Variants in CASTOR2 observed in about 807,000 individuals in gnomAD.
CASTOR2 encodes GATS protein like 2.
In CASTOR2, 8 loss-of-function variants were observed where a neutral mutation model predicts 31.2. The observed-to-expected ratio is 0.26, with a 90% CI of 0.15 to 0.46. The LOEUF (loss-of-function observed/expected upper bound fraction) is 0.46. Among genes scored for constraint, CASTOR2 ranks in the 20% least tolerant of loss-of-function variants. The pLI is 0.99. For synonymous variants in CASTOR2, 162 were observed against 158.7 expected, an observed-to-expected ratio of 1.02 and a Z score of -0.16; for missense variants, 216 against 382.1, an observed-to-expected ratio of 0.57 and a Z score of 3.62.
At position 75,025,154 on chromosome 7, in the gene CASTOR2, T is replaced by A. The variant is rs1805092709; in HGVS notation, c.*455T>A. ...GTGCCCTGGAGGGTTTGGGGGTGAG[T>A]ACTGTGGTCACTGGTCTCTGCTTCC... is the stretch of plus-strand genomic sequence containing the variant. On this transcript the variant is annotated 3_prime_UTR_variant, in exon 9 of 9. Transcript: ENST00000616305. Among the ~76,000 whole-genome samples the A allele has an allele frequency of 6.6e-6, 1 of 151,874 alleles. No homozygotes were observed. The highest frequency in any genetic ancestry group is 2.4e-5 in the African/African-American group (1 of 41,326).
chr7:75,019,900 C>T (rs1057370542), intron 5 of CASTOR2, 139 bp from the exon 6 acceptor site: 11 of 714,100 alleles, frequency 1.5e-5, no homozygotes, highest in South Asian at 3.8e-5. Flanking sequence ...CGTGGCATAG[C>T]GAGCAGGATG....
chr7:74,991,458 C>T (rs1156751641), intron 1 of CASTOR2, among the ~76,000 whole-genome samples: 2 of 152,062 alleles, frequency 1.3e-5, no homozygotes, highest in Non-Finnish European at 2.9e-5. Context: ...CAGGAGCAGC[C>T]CCTGGCACCC....
intron 1 of CASTOR2, among the ~76,000 whole-genome samples, chr7:74,984,634 G>A (rs1210723777): frequency 2.0e-4 from 31 of 152,290 alleles, no homozygotes; most frequent in African/African-American, 6.0e-4. Context: ...TGCTGTTGAT[G>A]AAGATGACAG....
chr7:75,010,770 T>A lies in CASTOR2; in HGVS notation c.184+2706T>A, dbSNP rs1563061742. ...GTAAGGGCTTCCCTTCCAGGGTGCGTTTCCTGGTCAGCAAACCAGGCTGCT... is the reference window on the plus strand; with the variant it reads ...GTAAGGGCTTCCCTTCCAGGGTGCGATTCCTGGTCAGCAAACCAGGCTGCT... On this transcript the variant is annotated intron_variant, in intron 2 of 8. Transcript: ENST00000616305. Among the ~76,000 whole-genome samples, 3 of 152,242 alleles carry A rather than the reference T, an allele frequency of 2.0e-5. No individual in the cohort carries two copies. The East Asian group carries it at 5.8e-4, about 29-fold the overall frequency.
intron 1 of CASTOR2, among the ~76,000 whole-genome samples, chr7:74,996,530 A>C (rs1426159618): frequency 6.6e-6 from 1 of 150,628 alleles, no homozygotes; most frequent in Non-Finnish European, 1.5e-5. Flanking sequence ...AACTGTCTGC[A>C]TGCTTGGAAA....
chr7:74,975,633 G>A (rs1272755325), intron 1 of CASTOR2, among the ~76,000 whole-genome samples: 2 of 111,118 alleles, frequency 1.8e-5, no homozygotes, highest in East Asian at 2.8e-4. Flanking sequence ...GGAGAATGGC[G>A]TGAAGCCGAG....
chr7:75,008,711 A>T (rs1804658694), intron 2 of CASTOR2, among the ~76,000 whole-genome samples: 2 of 152,152 alleles, frequency 1.3e-5, no homozygotes, highest in Non-Finnish European at 2.9e-5. Flanking sequence ...AATAAAAAAA[A>T]TAAAGAAAAG....
chr7:75,012,236 A>G (rs1193830956), intron 2 of CASTOR2, among the ~76,000 whole-genome samples: 1 of 152,172 alleles, frequency 6.6e-6, no homozygotes, highest in African/African-American at 2.4e-5. Flanking sequence ...GGGCTGCAGT[A>G]TGAGGCTAGG....
chr7:74,998,965 G>A (rs1372944293), intron 1 of CASTOR2, among the ~76,000 whole-genome samples: 49 of 151,694 alleles, frequency 3.2e-4, no homozygotes, highest in African/African-American at 1.2e-3. Flanking sequence ...TCTCCTGGTC[G>A]CCCGTGACAC....
At chr7:75,000,530 C>T (rs1174076872) in intron 1 of CASTOR2, among the ~76,000 whole-genome samples, 6 of 152,118 alleles carry the variant, frequency 3.9e-5, no homozygotes, top group African/African-American at 1.2e-4. Context: ...TGTAAACAGG[C>T]GCCCATAACA....
chr7:74,981,471 G>A lies in CASTOR2; in HGVS notation c.113+16373G>A, dbSNP rs1358638898. Among the ~76,000 whole-genome samples, 143 of 144,248 alleles carry A rather than the reference G, an allele frequency of 9.9e-4. 5 individuals are homozygous for A. Among genetic ancestry groups the A allele is most frequent in the Admixed American group, 1.5e-3 (21 of 14,286 alleles). The allele number at this position is 144,248 out of a possible 152,430, so 94.6% of individuals were successfully genotyped here. The stretch of plus-strand genomic sequence containing the variant: ...GCTGGGATTACAGGCGTGAGCCACC[G>A]TGCCCAGGCTGTCTGCTTCTATTCT... On this transcript the variant is annotated intron_variant, in intron 1 of 8. Transcript: ENST00000616305.
In CASTOR2 at chr7:74,998,761, C is replaced by T. The variant is rs1192370525; in HGVS notation, c.114-9233C>T. Among the ~76,000 whole-genome samples, 46 of 151,954 alleles carry T rather than the reference C, an allele frequency of 3.0e-4. 1 individual carries two copies. In the South Asian group the frequency reaches 9.5e-3, roughly 32 times the overall value. Reference sequence around the variant, plus strand: ...ATCCAAAATCAGTGATTATTTTGCACCAAGACCTGACAAGCAGAAGGTATA... The same window carrying T: ...ATCCAAAATCAGTGATTATTTTGCATCAAGACCTGACAAGCAGAAGGTATA... On this transcript the variant is annotated intron_variant, in intron 1 of 8. Transcript: ENST00000616305.
At chr7:75,021,998 C>G (rs1805016666) in intron 7 of CASTOR2, 42 bp downstream of exon 7, 2 of 1,547,886 alleles carry the variant, frequency 1.3e-6, no homozygotes, top group Non-Finnish European at 1.7e-6. Context: ...AGGGAGCTGG[C>G]ATTGCTGAGC....
At chr7:74,972,445 T>C (rs150386197) in intron 1 of CASTOR2, among the ~76,000 whole-genome samples, 3,082 of 151,298 alleles carry the variant, frequency 0.02, 152 homozygotes, top group African/African-American at 0.07. Flanking sequence ...TTTTTGCCCA[T>C]GAAATGCTGT....
intron 1 of CASTOR2, among the ~76,000 whole-genome samples, chr7:74,993,640 AG>A: frequency 6.6e-6 from 1 of 151,396 alleles, no homozygotes; most frequent in Non-Finnish European, 1.5e-5. Flanking sequence ...TAGTAGAGAC[AG>A]GGTTTCACCA....
rs1804643644 is a variant in CASTOR2, at chr7:75,008,037, A to G, written c.157A>G (p.Ile53Val). The G allele has an allele frequency of 6.8e-6, 11 of 1,613,728 alleles. No homozygotes were observed. The highest frequency in any genetic ancestry group is 1.1e-5 in the South Asian group (1 of 91,080). Residue 53 changes from isoleucine to valine, a missense_variant, in exon 2 of 9, where the codon ATC becomes GTC. Around this residue, in one of 5 missense-constraint regions of CASTOR2, gnomAD observed 114 missense variants for 194.2 expected, o/e 0.59. Transcript: ENST00000616305. ...SLTETPEDYT[I>V]IVDEEGFLEL... The stretch of plus-strand genomic sequence containing the variant: ...GACTGAGACGCCAGAGGATTACACT[A>G]TCATTGTCGATGAGGAAGGATTCCT...
chr7:74,983,689 C>T (rs1803997857), intron 1 of CASTOR2, among the ~76,000 whole-genome samples: 1 of 151,288 alleles, frequency 6.6e-6, no homozygotes, highest in Non-Finnish European at 1.5e-5. Flanking sequence ...ATTCCCATGG[C>T]ACCATGGTGT....
intron 2 of CASTOR2, among the ~76,000 whole-genome samples, chr7:75,010,357 T>C (rs1804709967): frequency 6.6e-6 from 1 of 151,886 alleles, no homozygotes; most frequent in Non-Finnish European, 1.5e-5. Flanking sequence ...TTGGATCTTA[T>C]TCTTCAGGCA....
rs1374557715 is a variant in CASTOR2, at chr7:75,026,316, A to G, written c.*1617A>G. ...GTGATTCTCCTGCCTCGGCCTCCCA[A>G]GTAGCTGGGATTACAGGCACGCACC... On this transcript the variant is annotated 3_prime_UTR_variant, in exon 9 of 9. Transcript: ENST00000616305. Among the ~76,000 whole-genome samples, 1 of 151,674 alleles carries G rather than the reference A, an allele frequency of 6.6e-6. No homozygotes were observed. The highest frequency in any genetic ancestry group is 2.4e-5 in the African/African-American group (1 of 41,248).
Sources: allele counts gnomAD v4.1 joint callset (sites outside exome capture counted in the v4.1 genomes callset), GRCh38; gene constraint gnomAD v4.1.1; regional missense constraint gnomAD v4.1.1; transcripts MANE v1.5; gene names NCBI Gene and HGNC (gene_info 2026-07-23, HGNC 2026-07-21).